The following HEATR4 variants were observed in gnomAD, a reference collection of about 807,000 sequenced individuals.
The protein encoded by HEATR4 is HEAT repeat containing 4, also known as HEAT repeat-containing protein 4.
Under a neutral mutation model 108.8 loss-of-function variants are expected in HEATR4, and 95 were observed. The ratio of observed to expected loss-of-function variants is 0.87; its 90% CI spans 0.74 to 1.04. HEATR4 has a LOEUF of 1.04. Ranked by LOEUF, HEATR4 falls within the 50% of genes least tolerant of loss-of-function variation. HEATR4 has a pLI of 0.00. For synonymous variants in HEATR4, 443 were observed against 459.4 expected (o/e 0.96, Z 0.46); for missense variants, 1,152 against 1,253.8 (o/e 0.92, Z 1.23).
intron 10 of HEATR4, among the ~76,000 whole-genome samples, chr14:73,504,489 T>G (rs984412420): frequency 2.0e-5 from 3 of 152,060 alleles, no homozygotes; most frequent in East Asian, 3.9e-4. Flanking sequence ...TGATCCGCCC[T>G]CCTTGGCCTC....
chr14:73,526,035 A>G (rs75977229), intron 2 of HEATR4, among the ~76,000 whole-genome samples: 6,078 of 152,090 alleles, frequency 0.04, 154 homozygotes, highest in Middle Eastern at 0.088. Context: ...TCGTATCAAG[A>G]AGAGGCACTG....
chr14:73,481,291 T>C (rs1468622288), intron 17 of HEATR4, among the ~76,000 whole-genome samples: 2 of 150,864 alleles, frequency 1.3e-5, no homozygotes, highest in Non-Finnish European at 3.0e-5. Flanking sequence ...ATACAAAAAT[T>C]AGCGGGGGGT....
At chr14:73,576,104 G>C in the HEATR4 span, among the ~76,000 whole-genome samples, 2 of 151,984 alleles carry the variant, frequency 1.3e-5, no homozygotes, top group Non-Finnish European at 2.9e-5. Flanking sequence ...AGTGAGAAGA[G>C]GTTGCAGTGA....
At chr14:73,604,199 C>CTATA in the HEATR4 span, among the ~76,000 whole-genome samples, 11 of 124,522 alleles carry the variant, frequency 8.8e-5, no homozygotes, top group Non-Finnish European at 1.7e-4. Flanking sequence ...GAGTCTCGCT[C>CTATA]TATAACCCAG....
At chr14:73,633,405 C>A in the HEATR4 span, among the ~76,000 whole-genome samples, 1 of 152,144 alleles carries the variant, frequency 6.6e-6, no homozygotes, top group East Asian at 1.9e-4. Flanking sequence ...TGCTGGCATT[C>A]AAGTTGGGGA....
At chr14:73,588,524 A>T in the HEATR4 span, among the ~76,000 whole-genome samples, 1 of 152,178 alleles carries the variant, frequency 6.6e-6, no homozygotes, top group Admixed American at 6.5e-5. Flanking sequence ...GGCAATCTCC[A>T]TTTGGTTTAA....
At chr14:73,501,854 C>T (rs951778113) in intron 11 of HEATR4, among the ~76,000 whole-genome samples, 4 of 151,498 alleles carry the variant, frequency 2.6e-5, no homozygotes, top group East Asian at 3.9e-4. Flanking sequence ...CCCAGGTTCA[C>T]GCCATTCTCC....
At chr14:73,517,685 GAAGAA>G (rs1217554266) in intron 5 of HEATR4, among the ~76,000 whole-genome samples, 2 of 125,504 alleles carry the variant, frequency 1.6e-5, no homozygotes, top group Admixed American at 1.7e-4. Flanking sequence ...AAAAAAAGAA[GAAGAA>G]AAGAGAGAGA....
the HEATR4 span, among the ~76,000 whole-genome samples, chr14:73,591,445 C>T: frequency 4.6e-5 from 7 of 151,918 alleles, no homozygotes; most frequent in African/African-American, 1.7e-4. Context: ...ACTCGGGAGG[C>T]TGAGGCAGGA....
Position 73,506,467 on chromosome 14 carries a change from C to A in HEATR4, c.1986G>T (p.Leu662Phe), listed in dbSNP as rs1217883193. 1.2e-6 allele frequency: 2 copies of A among 1,612,122 alleles called. No homozygotes were observed. The highest frequency in any genetic ancestry group is 2.7e-5 in the African/African-American group (2 of 74,892). Residue 662 changes from leucine (L) to phenylalanine (F), a missense_variant and splice_region_variant, in exon 10 of 18, where the codon TTG (leucine) becomes TTT (phenylalanine). Transcript: ENST00000553558. Reference sequence around the variant, plus strand: ...CCTGGAGGCAAAGAAAGAGGTTTACCAAGCAGACATTTCCACTGATCCGGG... The same window carrying A: ...CCTGGAGGCAAAGAAAGAGGTTTACAAAGCAGACATTTCCACTGATCCGGG... ...AFSRISGNVC[L>F]DMKHKLIQLM...
the HEATR4 span, chr14:73,619,302 T>C: frequency 5.0e-6 from 8 of 1,613,006 alleles, no homozygotes; most frequent in Non-Finnish European, 6.8e-6. Flanking sequence ...CAATGGCTTC[T>C]TTCTTGAAGG....
the HEATR4 span, chr14:73,617,270 AACACTG>A: frequency 6.4e-7 from 1 of 1,568,694 alleles, no homozygotes; most frequent in Non-Finnish European, 8.8e-7. Context: ...GCCCTGCCAG[AACACTG>A]AGAACTAGAA....
At chr14:73,581,814 G>A in the HEATR4 span, 3 of 84,694 alleles carry the variant, frequency 3.5e-5, no homozygotes, top group African/African-American at 1.5e-4. Flanking sequence ...TTTTTTGGTG[G>A]TGGACAGTCC....
chr14:73,597,591 CTTT>C, the HEATR4 span, among the ~76,000 whole-genome samples: 2 of 98,204 alleles, frequency 2.0e-5, no homozygotes, highest in Non-Finnish European at 4.0e-5. Flanking sequence ...TTTTTCTTTT[CTTT>C]TTTTTTTTTT....
At chr14:73,485,737 G>A (rs983618125) in intron 17 of HEATR4, among the ~76,000 whole-genome samples, 7 of 152,072 alleles carry the variant, frequency 4.6e-5, no homozygotes, top group South Asian at 2.1e-4. Flanking sequence ...GTTGGGCATC[G>A]TGGCACATGC....
intron 16 of HEATR4, among the ~76,000 whole-genome samples, chr14:73,494,274 G>A (rs906787095): frequency 6.6e-6 from 1 of 152,180 alleles, no homozygotes; most frequent in Non-Finnish European, 1.5e-5. Flanking sequence ...GTGGTAGCTG[G>A]TAGGCAGCTG....
At chr14:73,483,774 A>C (rs1885340781) in intron 17 of HEATR4, among the ~76,000 whole-genome samples, 1 of 152,190 alleles carries the variant, frequency 6.6e-6, no homozygotes, top group African/African-American at 2.4e-5. Context: ...TTTGAACTTA[A>C]AATATCAATA....
At chr14:73,483,951 T>C (rs948031168) in intron 17 of HEATR4, among the ~76,000 whole-genome samples, 6 of 151,842 alleles carry the variant, frequency 4.0e-5, no homozygotes, top group African/African-American at 1.5e-4. Flanking sequence ...GCCTCTCAGG[T>C]TCAAGCGATT....
At chr14:73,604,327 G>A in the HEATR4 span, among the ~76,000 whole-genome samples, 1 of 151,290 alleles carries the variant, frequency 6.6e-6, no homozygotes, top group Admixed American at 6.6e-5. Flanking sequence ...ACCATGCCTG[G>A]CTAATTTTTG....
Sources: gnomAD v4.1 joint callset for allele counts (sites outside exome capture counted in the v4.1 genomes callset) on GRCh38, gnomAD v4.1.1 for gene constraint, MANE v1.5 for transcripts, NCBI Gene and HGNC (gene_info 2026-07-23, HGNC 2026-07-21) for gene names.